The following RGS7 variants were observed in gnomAD, a reference collection of about 807,000 sequenced individuals.
RGS7 encodes regulator of G protein signaling 7, also known as regulator of G-protein signaling 7.
RGS7 carries 27 observed loss-of-function variants against 81.1 expected under a neutral mutation model. The observed-to-expected ratio is 0.33, with a 90% CI of 0.25 to 0.46. The LOEUF is 0.46. Among genes scored for constraint, RGS7 ranks in the 20% least tolerant of loss-of-function variants. The pLI, the probability that RGS7 is intolerant of heterozygous loss-of-function variation, is 1.00. For synonymous variants in RGS7, 208 were observed against 207.7 expected, an observed-to-expected ratio of 1.00 and a Z score of -0.01; for missense variants, 396 against 607.4, an observed-to-expected ratio of 0.65 and a Z score of 3.66.
chr1:241,036,719 A>G lies in RGS7; in HGVS notation c.176-53590T>C, dbSNP rs1216973783. Among the ~76,000 whole-genome samples, 5 of 152,354 alleles carry G rather than the reference A, an allele frequency of 3.3e-5. No homozygotes were observed. The East Asian group carries it at 9.6e-4, about 29-fold the overall frequency. ...ATGGTTTGCCTAAGTATGTTGTAGT[A>G]GAGACTAGCTGAAACTATCTTCTTG... On this transcript the variant is annotated intron_variant, in intron 3 of 18. Coordinates refer to ENST00000440928, the MANE Select transcript of RGS7 (RefSeq NM_001364886.1).
At chr1:240,819,463 G>A (rs187603007) in intron 10 of RGS7, among the ~76,000 whole-genome samples, 6 of 152,258 alleles carry the variant, frequency 3.9e-5, no homozygotes, top group South Asian at 4.1e-4. Flanking sequence ...ATACGAGGCC[G>A]GGCGTGGTGG....
At chr1:240,812,129 G>C in intron 13 of RGS7, 86 bp from the exon 14 acceptor site, 1 of 1,419,794 alleles carries the variant, frequency 7.0e-7, no homozygotes, top group East Asian at 2.3e-5. Flanking sequence ...AAAATCATGT[G>C]TGCCTCGAAG....
chr1:240,909,361 C>T (rs1300767757), intron 6 of RGS7, among the ~76,000 whole-genome samples: 1 of 152,144 alleles, frequency 6.6e-6, no homozygotes, highest in African/African-American at 2.4e-5. Context: ...TATCCATACC[C>T]CATCTTCTGA....
At chr1:240,811,883 T>C in intron 14 of RGS7, 35 bp downstream of exon 14, 1 of 1,568,712 alleles carries the variant, frequency 6.4e-7, no homozygotes, top group Non-Finnish European at 8.8e-7. Context: ...AGACAGTATT[T>C]CTCTGGCTTA....
chr1:241,142,558 G>A (rs1381352278), intron 2 of RGS7, among the ~76,000 whole-genome samples: 4 of 152,320 alleles, frequency 2.6e-5, no homozygotes, highest in African/African-American at 9.6e-5. Flanking sequence ...TGAGCTCTAC[G>A]TTGACCCCTT....
intron 3 of RGS7, among the ~76,000 whole-genome samples, chr1:241,044,049 A>C (rs1281864948): frequency 6.6e-6 from 1 of 151,450 alleles, no homozygotes; most frequent in Non-Finnish European, 1.5e-5. Flanking sequence ...TGCTTAGAAC[A>C]TCTTGCCTCA....
intron 3 of RGS7, among the ~76,000 whole-genome samples, chr1:241,071,874 CA>C (rs58217460): frequency 4.8e-3 from 270 of 56,828 alleles, no homozygotes; most frequent in Non-Finnish European, 6.1e-3. Flanking sequence ...GAGACCCTGT[CA>C]AAAAAAAAAA....
chr1:240,803,047 A>G, intron 15 of RGS7, 54 bp from the exon 16 acceptor site: 2 of 1,233,574 alleles, frequency 1.6e-6, no homozygotes, highest in Admixed American at 3.4e-5. Flanking sequence ...GGAAAAGTAA[A>G]ATATCATGAT....
intron 2 of RGS7, among the ~76,000 whole-genome samples, chr1:241,274,265 G>A (rs934702609): frequency 6.6e-6 from 1 of 152,094 alleles, no homozygotes; most frequent in African/African-American, 2.4e-5. Flanking sequence ...CTAGTACTTG[G>A]TAGTCACTCA....
chr1:241,068,945 TAA>T (rs1240280674), intron 3 of RGS7, among the ~76,000 whole-genome samples: 2 of 152,080 alleles, frequency 1.3e-5, no homozygotes, highest in African/African-American at 4.8e-5. Context: ...GTTGTTTGTT[TAA>T]AAGTGTGTAG....
At chr1:240,971,942 C>T (rs1683267456) in intron 4 of RGS7, among the ~76,000 whole-genome samples, 1 of 152,178 alleles carries the variant, frequency 6.6e-6, no homozygotes, top group South Asian at 2.1e-4. Flanking sequence ...GCTTCTACCG[C>T]TTCCCTCTAC....
intron 3 of RGS7, among the ~76,000 whole-genome samples, chr1:241,069,562 C>A (rs938854616): frequency 6.6e-6 from 1 of 152,042 alleles, no homozygotes; most frequent in Non-Finnish European, 1.5e-5. Context: ...ATATCAATTT[C>A]CTTGGGGAGG....
chr1:241,311,002 C>T (rs1393976216), intron 2 of RGS7, among the ~76,000 whole-genome samples: 7 of 152,132 alleles, frequency 4.6e-5, no homozygotes, highest in Admixed American at 1.3e-4. Context: ...GGTTCTGACA[C>T]GGACTAATTT....
chr1:240,854,862 T>C (rs917329757), intron 9 of RGS7, among the ~76,000 whole-genome samples: 3 of 152,080 alleles, frequency 2.0e-5, no homozygotes, highest in Non-Finnish European at 4.4e-5. Flanking sequence ...ATGGGCAGAG[T>C]TTCTACATGT....
rs757704447 is a variant in RGS7, at chr1:240,868,596, G to A, written c.600C>T (p.His200=). ...TGCGACGCTTGCTTACCACGGGCCT[G>A]TGCACGTCCCAGAACGCTCTCTCTT... ...DSQERAFWDV[H]RPVPGCVNTT... is the part of the protein sequence containing the mutation. The change falls in exon 9 of 19, where the codon CAC becomes CAT. Residue 200 remains histidine, a synonymous_variant. Coordinates refer to ENST00000440928, the MANE Select transcript of RGS7 (RefSeq NM_001364886.1). The surrounding 1 kb of genome is among the most constrained non-coding windows in gnomAD (Gnocchi z 5.1). 1.2e-6 allele frequency: 2 copies of A among 1,614,088 alleles called. No homozygotes were observed. Among genetic ancestry groups the A allele is most frequent in the South Asian group, 1.1e-5 (1 of 91,076 alleles).
rs527635404 is a variant in RGS7 at position 241,182,811 on chromosome 1, G to T, written c.79-84049C>A. ...TTACAGGCACATGCTACCATACCGG[G>T]TTAATTTTTCGGTTTTTGTTTGTTT... On this transcript the variant is annotated intron_variant, in intron 2 of 18. Coordinates refer to ENST00000440928, the MANE Select transcript of RGS7 (RefSeq NM_001364886.1). 9.1e-5 allele frequency among the ~76,000 whole-genome samples: 13 copies of T among 142,176 alleles called. No homozygotes were observed. The South Asian group carries it at 2.9e-3, about 31-fold the overall frequency. 93.3% of individuals were successfully genotyped at this position (142,176 alleles called of 152,430 possible). A position where few individuals can be genotyped will look rare whatever the true frequency, so the allele number is the denominator to read the frequency against.
At chr1:241,269,369 C>T (rs982562736) in intron 2 of RGS7, among the ~76,000 whole-genome samples, 4 of 152,222 alleles carry the variant, frequency 2.6e-5, no homozygotes, top group Non-Finnish European at 5.9e-5. Flanking sequence ...TAAAAATAAA[C>T]CTGGAAGAGC....
At position 241,090,859 on chromosome 1, in the gene RGS7, G is replaced by A. The variant is rs145284385; in HGVS notation, c.175+7807C>T. Among the ~76,000 whole-genome samples the A allele has an allele frequency of 2.1e-3, 325 of 152,270 alleles. 2 individuals carry two copies. Among genetic ancestry groups the A allele is most frequent in the African/African-American group, 7.4e-3 (306 of 41,556 alleles). On this transcript the variant is annotated intron_variant, in intron 3 of 18. Transcript: ENST00000440928. ...ATGAGTACTCCACAGGACTACATCT[G>A]GAACAGGAGCATGTTGGGAGATGAA...
intron 6 of RGS7, among the ~76,000 whole-genome samples, chr1:240,907,628 G>A (rs1671036582): frequency 6.6e-6 from 1 of 152,194 alleles, no homozygotes; most frequent in Non-Finnish European, 1.5e-5. Flanking sequence ...GGATGCAGCA[G>A]AGGCAGAATG....
Sources: gnomAD v4.1 joint callset for allele counts (sites outside exome capture counted in the v4.1 genomes callset) on GRCh38, gnomAD v4.1.1 for gene constraint, Gnocchi (gnomAD v3.1) non-coding constraint, MANE v1.5 for transcripts, NCBI Gene and HGNC (gene_info 2026-07-23, HGNC 2026-07-21) for gene names.